Variants in PTPRD observed in about 807,000 individuals in gnomAD.
The protein encoded by PTPRD is receptor-type tyrosine-protein phosphatase delta.
In PTPRD, 34 loss-of-function variants were observed where a neutral mutation model predicts 214.5. The ratio of observed to expected loss-of-function variants is 0.16; its 90% CI spans 0.12 to 0.21. The LOEUF (loss-of-function observed/expected upper bound fraction) is 0.21, where lower values mean the gene tolerates loss of function less well. PTPRD is among the 10% of genes least tolerant of loss of function. PTPRD has a pLI of 1.00. For missense variants in PTPRD, 2,545 were observed against 2,398.7 expected, an observed-to-expected ratio of 1.06 and a Z score of -1.27; for synonymous variants, 1,128 against 845.7, an observed-to-expected ratio of 1.33 and a Z score of -5.79.
intron 3 of PTPRD, among the ~76,000 whole-genome samples, chr9:10,112,642 T>C (rs1330631976): frequency 6.6e-6 from 1 of 152,138 alleles, no homozygotes; most frequent in African/African-American, 2.4e-5. Context: ...ATAAAGTTAA[T>C]TTGTTGGACC....
rs879667171 is a variant in PTPRD, at chr9:8,903,785, A to AT, written c.-104+114911_-104+114912insA. On this transcript the variant is annotated intron_variant, in intron 11 of 45. Transcript: ENST00000381196. ...ATGGGAAATTTGATTACTATTTAAA[A>AT]GACTACTCTGTAAAGCAATATCCTA... is the stretch of plus-strand genomic sequence containing the variant. 6.9e-3 allele frequency among the ~76,000 whole-genome samples: 1,046 copies of AT among 150,656 alleles called. 14 individuals are homozygous for AT. The highest frequency in any genetic ancestry group is 0.024 in the African/African-American group (966 of 40,012).
chr9:8,626,646 A>G lies in PTPRD; in HGVS notation c.352+6671T>C, dbSNP rs1379605839. Among the ~76,000 whole-genome samples the G allele has an allele frequency of 2.0e-5, 3 of 151,818 alleles. No individual in the cohort carries two copies. The East Asian group carries it at 5.8e-4, about 30-fold the overall frequency. ...TGGGCAACCCTTATCCAATCAGGTA[A>G]AACACTAAAGAGAACAATAAAGCTG... On this transcript the variant is annotated intron_variant, in intron 14 of 45. Transcript: ENST00000381196.
intron 7 of PTPRD, among the ~76,000 whole-genome samples, chr9:9,643,084 A>G (rs895694958): frequency 6.6e-6 from 1 of 152,218 alleles, no homozygotes; most frequent in African/African-American, 2.4e-5. Context: ...AGAGGGAGAG[A>G]GAGATTTGAG....
chr9:8,819,552 T>G (rs866071422), intron 11 of PTPRD, among the ~76,000 whole-genome samples: 1 of 152,130 alleles, frequency 6.6e-6, no homozygotes, highest in Middle Eastern at 3.4e-3. Flanking sequence ...TCCCAGCTAC[T>G]TGAGAGGCTG....
At chr9:8,858,346 G>GC (rs2097999138) in intron 11 of PTPRD, 1 of 152,486 alleles carries the variant, frequency 6.6e-6, no homozygotes, top group African/African-American at 2.4e-5. Flanking sequence ...TGAGGCTCGT[G>GC]GGGGGAGAGG....
At chr9:8,484,833 G>A (rs1046085361) in intron 29 of PTPRD, among the ~76,000 whole-genome samples, 2 of 151,948 alleles carry the variant, frequency 1.3e-5, no homozygotes, top group African/African-American at 4.8e-5. Flanking sequence ...TCTCTTAATG[G>A]CAAGCCAGAG....
chr9:8,671,924 G>T (rs555213095), intron 12 of PTPRD, among the ~76,000 whole-genome samples: 1 of 152,290 alleles, frequency 6.6e-6, no homozygotes, highest in Admixed American at 6.5e-5. Flanking sequence ...TGTTGGAAAA[G>T]ATACATTCTT....
At position 8,796,936 on chromosome 9, in the gene PTPRD, G is replaced by GT. The variant is rs200911854; in HGVS notation, c.-103-62991dup. ...GAGTATTTTCCATGTTAAAATTTTT[G>GT]TTTTTTTTCTAGTTTATGGAATTGA... On this transcript the variant is annotated intron_variant, in intron 11 of 45. Coordinates refer to ENST00000381196, the MANE Select transcript of PTPRD (RefSeq NM_002839.4). Among the ~76,000 whole-genome samples, 926 of 151,274 alleles carry GT rather than the reference G, an allele frequency of 6.1e-3. 10 individuals are homozygous for GT. Among genetic ancestry groups the GT allele is most frequent in the African/African-American group, 0.021 (852 of 41,236 alleles).
At chr9:10,100,127 C>A (rs946685088) in intron 3 of PTPRD, among the ~76,000 whole-genome samples, 8 of 151,590 alleles carry the variant, frequency 5.3e-5, no homozygotes, top group African/African-American at 1.9e-4. Context: ...CTAGTTTACA[C>A]CAAGTATTAT....
intron 9 of PTPRD, among the ~76,000 whole-genome samples, chr9:9,265,963 C>G (rs1009373583): frequency 4.6e-5 from 7 of 151,356 alleles, no homozygotes; most frequent in African/African-American, 1.7e-4. Context: ...TAAACAAGAT[C>G]AAATTATATG....
intron 39 of PTPRD, among the ~76,000 whole-genome samples, chr9:8,348,950 C>G (rs1248940738): frequency 1.3e-5 from 2 of 152,112 alleles, no homozygotes; most frequent in South Asian, 2.1e-4. Context: ...AGTTGGCGCT[C>G]TCCTCCAGGG....
At chr9:9,944,993 GGAGAGGTGTT>G (rs35601654) in intron 4 of PTPRD, among the ~76,000 whole-genome samples, 13,245 of 152,066 alleles carry the variant, frequency 0.087, 1,901 homozygotes, top group African/African-American at 0.3. Context: ...GACAAGTAGT[GGAGAGGTGTT>G]GAGAGGTAGC....
intron 8 of PTPRD, among the ~76,000 whole-genome samples, chr9:9,415,458 A>G (rs548631205): frequency 6.6e-6 from 1 of 152,308 alleles, no homozygotes; most frequent in South Asian, 2.1e-4. Context: ...TGGATGACAG[A>G]GCAAGACCCT....
intron 5 of PTPRD, among the ~76,000 whole-genome samples, chr9:9,897,160 ACCG>A (rs2075226114): frequency 1.4e-5 from 2 of 139,654 alleles, no homozygotes; most frequent in African/African-American, 5.7e-5. Context: ...ACACACACAC[ACCG>A]CTGCTAAACA....
intron 5 of PTPRD, among the ~76,000 whole-genome samples, chr9:9,910,572 T>C (rs1461159969): frequency 2.0e-5 from 3 of 151,988 alleles, no homozygotes; most frequent in Admixed American, 2.0e-4. Flanking sequence ...ACTCTCTTCT[T>C]TTTCTAGTTA....
intron 3 of PTPRD, among the ~76,000 whole-genome samples, chr9:10,120,508 TTAAAC>T (rs2098765918): frequency 6.6e-6 from 1 of 152,024 alleles, no homozygotes; most frequent in Admixed American, 6.6e-5. Flanking sequence ...TATTACACCA[TTAAAC>T]TAAATTGTCA....
chr9:10,122,096 T>A (rs1020482268), intron 3 of PTPRD, among the ~76,000 whole-genome samples: 1 of 152,152 alleles, frequency 6.6e-6, no homozygotes, highest in African/African-American at 2.4e-5. Context: ...TCACCTGAGG[T>A]CAGGAGTTCA....
At chr9:8,749,149 G>A (rs1261876300) in intron 11 of PTPRD, among the ~76,000 whole-genome samples, 2 of 151,972 alleles carry the variant, frequency 1.3e-5, no homozygotes, top group East Asian at 3.8e-4. Context: ...AATAATTAGG[G>A]GCCCATTGCC....
At chr9:8,446,669 G>C (rs1341932747) in intron 34 of PTPRD, among the ~76,000 whole-genome samples, 1 of 152,084 alleles carries the variant, frequency 6.6e-6, no homozygotes, top group Non-Finnish European at 1.5e-5. Flanking sequence ...TATAATGTTT[G>C]GGGATAAGCA....
Sources: gnomAD v4.1 joint callset for allele counts (sites outside exome capture counted in the v4.1 genomes callset) on GRCh38, gnomAD v4.1.1 for gene constraint, MANE v1.5 for transcripts, NCBI Gene and HGNC (gene_info 2026-07-23, HGNC 2026-07-21) for gene names.